The following ADAMTS2 variants were observed in gnomAD, a reference collection of about 807,000 sequenced individuals.
ADAMTS2 encodes the protein ADAM metallopeptidase with thrombospondin type 1 motif 2, also known as A disintegrin and metalloproteinase with thrombospondin motifs 2.
ADAMTS2 carries 50 observed loss-of-function variants against 123.0 expected under a neutral mutation model. That is an observed-to-expected ratio of 0.41 (90% CI 0.32 to 0.51). The LOEUF is 0.51. ADAMTS2 is among the 20% of genes least tolerant of loss of function. The pLI is 0.35. For synonymous variants in ADAMTS2, 678 were observed against 695.4 expected, an observed-to-expected ratio of 0.98 and a Z score of 0.39; for missense variants, 1,494 against 1,705.2, an observed-to-expected ratio of 0.88 and a Z score of 2.18.
chr5:179,168,598 A>G (rs1001887719), intron 5 of ADAMTS2, among the ~76,000 whole-genome samples: 3 of 152,152 alleles, frequency 2.0e-5, no homozygotes, highest in African/African-American at 7.2e-5. Flanking sequence ...CGCCTTTATG[A>G]TTGTCGTCAT....
In ADAMTS2 at chr5:179,290,499, C is replaced by T. The variant is rs1182015920; in HGVS notation, c.535-17435G>A. The stretch of plus-strand genomic sequence containing the variant: ...AGACTAAAACTAAGACACTAAGTAC[C>T]AACGCTTAGTATCAACCTACAAAGT... On this transcript the variant is annotated intron_variant, in intron 2 of 21. Transcript: ENST00000251582. Among the ~76,000 whole-genome samples, 3 of 152,134 alleles carry T rather than the reference C, an allele frequency of 2.0e-5. No individual in the cohort carries two copies. In the South Asian group the frequency reaches 6.2e-4, roughly 32 times the overall value.
In ADAMTS2 at chr5:179,128,764, A is replaced by G. The variant is rs568462631; in HGVS notation, c.2458-646T>C. On this transcript the variant is annotated intron_variant, in intron 16 of 21. Transcript: ENST00000251582. The surrounding 1 kb of genome is among the most constrained non-coding windows in gnomAD (Gnocchi z 4.9). ...TTCATTAACACTGAACTCACAGTCAATCGCACTGCAGCCCATGCCTGAACG... is the reference window on the plus strand; with the variant it reads ...TTCATTAACACTGAACTCACAGTCAGTCGCACTGCAGCCCATGCCTGAACG... Among the ~76,000 whole-genome samples the G allele has an allele frequency of 2.0e-5, 3 of 152,274 alleles. No individual in the cohort carries two copies. The highest frequency in any genetic ancestry group is 7.2e-5 in the African/African-American group (3 of 41,562).
chr5:179,158,821 C>G lies in ADAMTS2; in HGVS notation c.1034G>C (p.Trp345Ser). ...PSQSLENVCR[W>S]AYLQQKPDTG... ...GTCTGGCTTCTGCTGGAGGTAGGCC[C>G]AGCGGCAGACATTCTCCAGGCTCTG... Residue 345 changes from tryptophan (W) to serine (S), a missense_variant, in exon 6 of 22, where the codon TGG becomes TCG. By Grantham distance (177) the Trp-to-Ser change is radical. Coordinates refer to ENST00000251582, the MANE Select transcript of ADAMTS2 (RefSeq NM_014244.5). The surrounding 1 kb of genome is among the most constrained non-coding windows in gnomAD (Gnocchi z 5.0). 6.2e-7 allele frequency: 1 copy of G among 1,614,210 alleles called. No individual in the cohort carries two copies. The highest frequency in any genetic ancestry group is 8.5e-7 in the Non-Finnish European group (1 of 1,180,050).
rs1755983677 is a variant in ADAMTS2 at position 179,285,130 on chromosome 5, T to C, written c.535-12066A>G. 6.6e-6 allele frequency among the ~76,000 whole-genome samples: 1 copy of C among 152,242 alleles called. No homozygotes were observed. Among genetic ancestry groups the C allele is most frequent in the African/African-American group, 2.4e-5 (1 of 41,464 alleles). ...AGCACCATCACCATCATGATGATCA[T>C]GGCATGACAGCTGTTAGGAAACGCG... On this transcript the variant is annotated intron_variant, in intron 2 of 21. Transcript: ENST00000251582. This position sits in a 1 kb window ranked among gnomAD's most constrained non-coding sequence, Gnocchi z 4.9.
chr5:179,141,763 T>C (rs971393309), intron 10 of ADAMTS2, among the ~76,000 whole-genome samples: 2 of 152,148 alleles, frequency 1.3e-5, no homozygotes, highest in African/African-American at 2.4e-5. Context: ...ACTGGTGTCA[T>C]CCCTCTCAAC....
chr5:179,292,080 T>C (rs567598205), intron 2 of ADAMTS2, among the ~76,000 whole-genome samples: 16 of 152,040 alleles, frequency 1.1e-4, no homozygotes, highest in Admixed American at 3.9e-4. Context: ...TGAGGACGTA[T>C]GGCTCACATT....
chr5:179,324,804 A>C (rs1224225710), intron 2 of ADAMTS2, among the ~76,000 whole-genome samples: 2 of 152,222 alleles, frequency 1.3e-5, no homozygotes, highest in Non-Finnish European at 2.9e-5. Context: ...GGTTCACGAC[A>C]TGGAACAGCT....
rs1018395621 is a variant in ADAMTS2 at position 179,242,335 on chromosome 5, T to C, written c.688+30576A>G. 2.0e-5 allele frequency among the ~76,000 whole-genome samples: 3 copies of C among 152,128 alleles called. No homozygotes were observed. The highest frequency in any genetic ancestry group is 7.2e-5 in the African/African-American group (3 of 41,416). ...TTAATTGGATTTGGATCTCTAATTA[T>C]ACCTTGAATGACCCTGACATATCCA... is the stretch of plus-strand genomic sequence containing the variant. On this transcript the variant is annotated intron_variant, in intron 3 of 21. Transcript: ENST00000251582. The surrounding 1 kb of genome is among the most constrained non-coding windows in gnomAD (Gnocchi z 4.2).
chr5:179,273,808 A>G (rs1766614908), intron 2 of ADAMTS2, among the ~76,000 whole-genome samples: 1 of 151,710 alleles, frequency 6.6e-6, no homozygotes, highest in African/African-American at 2.4e-5. Context: ...CCTGACTACA[A>G]ACTCCTCGCT....
At chr5:179,292,695 G>A (rs1756221430) in intron 2 of ADAMTS2, among the ~76,000 whole-genome samples, 1 of 149,276 alleles carries the variant, frequency 6.7e-6, no homozygotes, top group South Asian at 2.2e-4. Flanking sequence ...GGGTGGGTGG[G>A]AGTCAGCTTG....
Position 179,130,153 on chromosome 5 carries a change from G to A in ADAMTS2, c.2291-55C>T. The stretch of plus-strand genomic sequence containing the variant: ...GTGGTCACCCAAGAGCAGGACCCAG[G>A]CCCACTGGTTTGGGCTGGTCGGGGA... On this transcript the variant is annotated intron_variant, in intron 15 of 21. Transcript: ENST00000251582. The surrounding 1 kb of genome is among the most constrained non-coding windows in gnomAD (Gnocchi z 4.3). 3 of 1,609,304 alleles carry A rather than the reference G, an allele frequency of 1.9e-6. No individual in the cohort carries two copies. Among genetic ancestry groups the A allele is most frequent in the Non-Finnish European group, 2.5e-6 (3 of 1,176,830 alleles).
Position 179,129,866 on chromosome 5 carries a change from G to A in ADAMTS2, c.2457+66C>T, listed in dbSNP as rs1206696597. The A allele has an allele frequency of 2.5e-6, 4 of 1,598,858 alleles. No individual in the cohort carries two copies. In the East Asian group the frequency reaches 6.7e-5, roughly 27 times the overall value. ...AGGGTCAGGAGGCTCAGCGTCCCAG[G>A]CACCCCCATCCCTCCCCCAGTGGCC... On this transcript the variant is annotated intron_variant, in intron 16 of 21. Transcript: ENST00000251582. The surrounding 1 kb of genome is among the most constrained non-coding windows in gnomAD (Gnocchi z 4.1).
At chr5:179,153,436 C>A in intron 9 of ADAMTS2, 55 bp downstream of exon 9, 4 of 1,599,054 alleles carry the variant, frequency 2.5e-6, no homozygotes, top group Non-Finnish European at 3.4e-6. Context: ...GCCCCTACAC[C>A]AGCACGCCTC....
At chr5:179,301,346 C>A (rs1756511358) in intron 2 of ADAMTS2, among the ~76,000 whole-genome samples, 1 of 152,144 alleles carries the variant, frequency 6.6e-6, no homozygotes. Context: ...TAAAATGGCA[C>A]AATATTACCT....
At chr5:179,254,374 A>G (rs898956678) in intron 3 of ADAMTS2, among the ~76,000 whole-genome samples, 3 of 152,144 alleles carry the variant, frequency 2.0e-5, no homozygotes, top group African/African-American at 7.2e-5. Flanking sequence ...AGTGGTCACT[A>G]TGAGCTGGGA....
chr5:179,191,779 G>T (rs529927818), intron 4 of ADAMTS2, among the ~76,000 whole-genome samples: 2 of 152,176 alleles, frequency 1.3e-5, no homozygotes, highest in Non-Finnish European at 2.9e-5. Context: ...TCTGCTGAGG[G>T]TGGAGGCCAA....
In ADAMTS2 at chr5:179,153,535, G is replaced by T. The variant is rs754578423; in HGVS notation, c.1471C>A (p.Gln491Lys). The change falls in exon 9 of 22, where the codon CAA (glutamine) becomes AAA (lysine). Residue 491 changes from glutamine to lysine, a missense_variant. This residue lies in a region of ADAMTS2 where 953 missense variants were observed against 1,124.7 expected (regional missense o/e 0.85). Coordinates refer to ENST00000251582, the MANE Select transcript of ADAMTS2 (RefSeq NM_014244.5). ...CCCAGGCCGAAGTCAAAGCGGCATT[G>T]CTCGTTCATGGAGTAGTGCAGTCCC... ...LPGLHYSMNE[Q>K]CRFDFGLGYM... 1 of 1,610,836 alleles carries T rather than the reference G, an allele frequency of 6.2e-7. No individual in the cohort carries two copies. The highest frequency in any genetic ancestry group is 8.5e-7 in the Non-Finnish European group (1 of 1,179,874).
chr5:179,290,863 C>T (rs1013449991), intron 2 of ADAMTS2, among the ~76,000 whole-genome samples: 2 of 152,142 alleles, frequency 1.3e-5, no homozygotes, highest in African/African-American at 2.4e-5. Flanking sequence ...GCAAGCCTGG[C>T]GTGTTCCAGG....
chr5:179,145,946 G>A lies in ADAMTS2; in HGVS notation c.1630-5911C>T, dbSNP rs7735370. Among the ~76,000 whole-genome samples, 877 of 152,248 alleles carry A rather than the reference G, an allele frequency of 5.8e-3. 9 individuals carry two copies. Among genetic ancestry groups the A allele is most frequent in the African/African-American group, 0.02 (835 of 41,540 alleles). On this transcript the variant is annotated intron_variant, in intron 10 of 21. Transcript: ENST00000251582. ...CGGCTCACCGCAACCTCTGCTTCCC[G>A]GGTTCAAGTGATTCTCCTGCTTCAG...
Sources: allele counts gnomAD v4.1 joint callset (sites outside exome capture counted in the v4.1 genomes callset), GRCh38; gene constraint gnomAD v4.1.1; regional missense constraint gnomAD v4.1.1; non-coding constraint Gnocchi (gnomAD v3.1); transcripts MANE v1.5; gene names NCBI Gene and HGNC (gene_info 2026-07-23, HGNC 2026-07-21).